Variants in EBP observed in about 807,000 individuals in gnomAD.
EBP encodes the protein EBP cholestenol delta-isomerase.
Under a neutral mutation model 14.1 loss-of-function variants are expected in EBP, and 1 was observed. The ratio of observed to expected loss-of-function variants is 0.07; its 90% CI spans 0.03 to 0.34. EBP has a LOEUF of 0.34. EBP is among the 10% of genes least tolerant of loss of function. The pLI, the probability that EBP is intolerant of heterozygous loss-of-function variation, is 0.99. For missense variants in EBP, 123 were observed against 184.6 expected (o/e 0.67, Z 1.93); for synonymous variants, 72 against 77.7 (o/e 0.93, Z 0.38).
chrX:48,526,341 T>C (rs1373368147), intron 2 of EBP, among the ~76,000 whole-genome samples: 1 of 104,081 alleles, frequency 9.6e-6, no homozygotes, highest in East Asian at 3.0e-4. Context: ...TTTCTTTCTT[T>C]CTTTTTTTTT....
intron 2 of EBP, among the ~76,000 whole-genome samples, chrX:48,525,550 C>CTT (rs782237659): frequency 9.6e-6 from 1 of 104,673 alleles, no homozygotes; most frequent in Non-Finnish European, 2.0e-5. Context: ...TTTTTAACAA[C>CTT]TTTTTTTTTT....
chrX:48,526,505 A>G (rs1556977478), intron 2 of EBP, among the ~76,000 whole-genome samples: 1 of 110,229 alleles, frequency 9.1e-6, no homozygotes, highest in Non-Finnish European at 1.9e-5. Flanking sequence ...TAATTTTTGT[A>G]TGTTTTATAG....
In EBP at chrX:48,523,853, A is replaced by G; in HGVS notation, c.82A>G (p.Thr28Ala). The G allele has an allele frequency of 8.3e-7, 1 of 1,209,771 alleles. No homozygotes were observed. The highest frequency in any genetic ancestry group is 1.1e-6 in the Non-Finnish European group (1 of 895,090). The change falls in exon 2 of 5, where the codon ACC (threonine) becomes GCC (alanine). Residue 28 changes from threonine (T) to alanine (A), a missense_variant. Transcript: ENST00000495186. ...LDNFVPNDRP[T>A]WHILAGLFSV... ...CAACTTTGTACCTAATGACCGCCCC[A>G]CCTGGCATATACTGGCTGGCCTCTT... is the stretch of plus-strand genomic sequence containing the variant.
intron 2 of EBP, among the ~76,000 whole-genome samples, chrX:48,525,473 A>G (rs1401176831): frequency 9.0e-6 from 1 of 110,846 alleles, no homozygotes; most frequent in Non-Finnish European, 1.9e-5. Context: ...CAATCAAGCA[A>G]TCCTCCTGCC....
chrX:48,525,835 C>G lies in EBP; in HGVS notation c.302-1154C>G, dbSNP rs192336230. Among the ~76,000 whole-genome samples the G allele has an allele frequency of 3.1e-4, 34 of 109,764 alleles. No homozygotes were observed. In the East Asian group the frequency reaches 9.2e-3, roughly 30 times the overall value. ...GGCAGAGTGGCTCATGCCTGTAATC[C>G]CAGCACTTTGTGAGGCGAAGGCGGG... On this transcript the variant is annotated intron_variant, in intron 2 of 4. Transcript: ENST00000495186.
intron 2 of EBP, 83 bp downstream of exon 2, chrX:48,524,155 C>A: frequency 1.1e-6 from 1 of 899,597 alleles, no homozygotes; most frequent in South Asian, 2.3e-5. Context: ...TCCACCTATT[C>A]TTCTTCCATT....
At chrX:48,528,173 G>T in intron 4 of EBP, 61 bp from the exon 5 acceptor site, 1 of 1,011,285 alleles carries the variant, frequency 9.9e-7, no homozygotes, top group Non-Finnish European at 1.4e-6. Flanking sequence ...TTGGAATAGA[G>T]AATTGGCGAA....
intron 1 of EBP, among the ~76,000 whole-genome samples, chrX:48,522,597 A>G (rs181671645): frequency 2.7e-5 from 3 of 112,285 alleles, no homozygotes; most frequent in African/African-American, 9.7e-5. Context: ...ACCACATCAT[A>G]ATATGGCTTC....
chrX:48,523,561 A>T, intron 1 of EBP, 138 bp from the exon 2 acceptor site: 1 of 447,018 alleles, frequency 2.2e-6, no homozygotes, highest in South Asian at 3.5e-5. Flanking sequence ...CTGAAAAAAA[A>T]AAAAAAAAAC....
At chrX:48,527,133 C>T in intron 3 of EBP, 22 bp from the exon 4 acceptor site, 1 of 1,211,761 alleles carries the variant, frequency 8.3e-7, no homozygotes, top group South Asian at 1.8e-5. Context: ...ATACCAGTGT[C>T]CCCTCATGCT....
Position 48,527,232 on chromosome X carries a change from C to T in EBP, c.416C>T (p.Ala139Val). The change falls in exon 4 of 5, where the codon GCC (alanine) becomes GTC (valine). Residue 139 changes from alanine to valine, a missense_variant. Transcript: ENST00000495186. ...CCACTCAGCCTGTGGGTGGTGATCG[C>T]CTTTCTCCGCCAGCATCCCCTCCGC... The part of the protein sequence containing the change: ...WGPLSLWVVI[A>V]FLRQHPLRFI... The T allele has an allele frequency of 8.3e-7, 1 of 1,211,551 alleles. No homozygotes were observed. The highest frequency in any genetic ancestry group is 1.1e-6 in the Non-Finnish European group (1 of 895,479).
chrX:48,522,522 G>T (rs1021980947), intron 1 of EBP, among the ~76,000 whole-genome samples: 2 of 111,474 alleles, frequency 1.8e-5, no homozygotes, highest in Admixed American at 1.9e-4. Flanking sequence ...GCTGGGATCA[G>T]GTGTTGTTCC....
rs1569479997 is a variant in EBP, at chrX:48,528,265, G to A, written c.501G>A (p.Leu167=). The change falls in exon 5 of 5, where the codon CTG becomes CTA. Residue 167 remains leucine, a synonymous_variant. Coordinates refer to ENST00000495186, the MANE Select transcript of EBP (RefSeq NM_006579.3). The part of the protein sequence containing the change: ...GQIYGDVLYF[L]TEHRDGFQHG... ...TCTATGGGGATGTGCTCTACTTCCT[G>A]ACAGAGCACCGCGACGGATTCCAGC... is the stretch of plus-strand genomic sequence containing the variant. The A allele has an allele frequency of 8.3e-7, 1 of 1,211,433 alleles. No homozygotes were observed. Among genetic ancestry groups the A allele is most frequent in the Admixed American group, 2.2e-5 (1 of 46,030 alleles).
At position 48,528,414 on chromosome X, in the gene EBP, C is replaced by T. The variant is rs150348311; in HGVS notation, c.650C>T (p.Thr217Met). 9.2e-4 allele frequency: 1,074 copies of T among 1,173,029 alleles called. 1 individual carries two copies. The highest frequency in any genetic ancestry group is 1.2e-3 in the Non-Finnish European group (1,031 of 876,173). The stretch of plus-strand genomic sequence containing the variant: ...AAGCACCTCACTCATGCCCAGAGCA[C>T]GCTGGATGCCAAGGCCACAAAAGCC... ...AVKHLTHAQSTLDAKATKAKS... is the reference protein window; with the variant it reads ...AVKHLTHAQSMLDAKATKAKS... The change falls in exon 5 of 5, where the codon ACG becomes ATG. Residue 217 changes from threonine (T) to methionine (M), a missense_variant. By Grantham distance (81) the Thr-to-Met change is moderately conservative. Transcript: ENST00000495186.
chrX:48,523,727 T>TTA lies in EBP; in HGVS notation c.-44_-43insAT. The TTA allele has an allele frequency of 9.3e-7, 1 of 1,078,132 alleles. No individual in the cohort carries two copies. The allele number at this position is 1,078,132 out of a possible 1,213,427, so 88.9% of individuals were successfully genotyped here. A position where few individuals can be genotyped will look rare whatever the true frequency, so the allele number is the denominator to read the frequency against. On this transcript the variant is annotated 5_prime_UTR_variant, in exon 2 of 5. Transcript: ENST00000495186. ...TTTCTGTTCCTTTTTTTTTTTTTTTTTTAACTTCCTGCCTATACACACGCA... is the reference window on the plus strand; with the variant it reads ...TTTCTGTTCCTTTTTTTTTTTTTTTTTATTAACTTCCTGCCTATACACACGCA...
intron 4 of EBP, among the ~76,000 whole-genome samples, chrX:48,527,865 C>G (rs1016320023): frequency 8.9e-6 from 1 of 112,016 alleles, no homozygotes; most frequent in African/African-American, 3.2e-5. Flanking sequence ...CTTGGCCTCC[C>G]GAAGTACTGG....
At chrX:48,523,139 G>A (rs1314388180) in intron 1 of EBP, among the ~76,000 whole-genome samples, 1 of 111,414 alleles carries the variant, frequency 9.0e-6, no homozygotes, top group East Asian at 2.8e-4. Context: ...TTTTTTTAGA[G>A]ACAGTTTCGC....
intron 1 of EBP, among the ~76,000 whole-genome samples, chrX:48,523,077 CCTACTA>C (rs2147153931): frequency 8.9e-6 from 1 of 111,959 alleles, no homozygotes; most frequent in African/African-American, 3.2e-5. Flanking sequence ...CCTCAGCCTA[CCTACTA>C]GCTGGGACTA....
intron 4 of EBP, 94 bp downstream of exon 4, chrX:48,527,379 C>T (rs188935728): frequency 2.5e-5 from 29 of 1,171,959 alleles, no homozygotes; most frequent in African/African-American, 1.4e-4. Flanking sequence ...GATCTCTCAA[C>T]GGTGCCCTTC....
Sources: allele counts gnomAD v4.1 joint callset (sites outside exome capture counted in the v4.1 genomes callset), GRCh38; gene constraint gnomAD v4.1.1; transcripts MANE v1.5; gene names NCBI Gene and HGNC (gene_info 2026-07-23, HGNC 2026-07-21).